Variants in CACNA2D1 observed in about 807,000 individuals in gnomAD.
CACNA2D1 encodes voltage-dependent calcium channel subunit alpha-2/delta-1.
A neutral mutation model predicts 171.5 loss-of-function variants in CACNA2D1; 53 were observed. The observed-to-expected ratio is 0.31, with a 90% CI of 0.25 to 0.39. The LOEUF (loss-of-function observed/expected upper bound fraction) is 0.39, where lower values mean the gene tolerates loss of function less well. Ranked by LOEUF, CACNA2D1 falls within the 10% of genes least tolerant of loss-of-function variation. The pLI is 1.00. For synonymous variants in CACNA2D1, 442 were observed against 443.1 expected, an observed-to-expected ratio of 1.00 and a Z score of 0.03; for missense variants, 903 against 1,299.8, an observed-to-expected ratio of 0.69 and a Z score of 4.69.
intron 12 of CACNA2D1, chr7:82,028,277 A>C (rs7803140): frequency 0.2 from 30,337 of 151,668 alleles, 3,310 homozygotes; most frequent in African/African-American, 0.3. Flanking sequence ...GGATGACAGC[A>C]CATCTGTTTA....
intron 34 of CACNA2D1, 111 bp from the exon 35 acceptor site, chr7:81,962,606 T>G: frequency 1.4e-6 from 1 of 716,902 alleles, no homozygotes; most frequent in Non-Finnish European, 2.4e-6. Context: ...AAGAAAGTCT[T>G]GGAGTGTTTT....
At chr7:82,233,806 T>C (rs185393659) in intron 3 of CACNA2D1, among the ~76,000 whole-genome samples, 67 of 152,286 alleles carry the variant, frequency 4.4e-4, no homozygotes, top group South Asian at 8.3e-4. Context: ...TCTGTTTTCA[T>C]ATTTTAAGTC....
chr7:82,318,464 G>A (rs1190654514), intron 3 of CACNA2D1, among the ~76,000 whole-genome samples: 1 of 152,082 alleles, frequency 6.6e-6, no homozygotes, highest in Non-Finnish European at 1.5e-5. Flanking sequence ...ATTACAGTGA[G>A]ATTAACAAAA....
chr7:82,349,143 T>C (rs1029491175), intron 2 of CACNA2D1, among the ~76,000 whole-genome samples: 5 of 152,144 alleles, frequency 3.3e-5, no homozygotes, highest in African/African-American at 1.2e-4. Context: ...TTTCAAATAA[T>C]TTTTACCCTA....
intron 1 of CACNA2D1, among the ~76,000 whole-genome samples, chr7:82,431,510 T>C (rs373359262): frequency 4.6e-5 from 7 of 152,290 alleles, no homozygotes; most frequent in East Asian, 1.9e-4. Context: ...CTCAATCTTA[T>C]TGCTGGAATA....
At chr7:81,982,762 A>C (rs1270085957) in intron 23 of CACNA2D1, 135 bp from the exon 24 acceptor site, 1 of 734,582 alleles carries the variant, frequency 1.4e-6, no homozygotes, top group Admixed American at 1.8e-5. Flanking sequence ...CTAAAATTGA[A>C]ACATATCAAT....
chr7:82,435,821 T>C (rs1207765530), intron 1 of CACNA2D1, among the ~76,000 whole-genome samples: 1 of 152,194 alleles, frequency 6.6e-6, no homozygotes, highest in Non-Finnish European at 1.5e-5. Flanking sequence ...CAAACAGGGC[T>C]ATTGCAAATG....
chr7:82,009,556 A>G (rs1157864261), intron 15 of CACNA2D1, among the ~76,000 whole-genome samples: 1 of 152,160 alleles, frequency 6.6e-6, no homozygotes, highest in Non-Finnish European at 1.5e-5. Context: ...GCATGGTTTT[A>G]AAAATGCTAC....
intron 1 of CACNA2D1, among the ~76,000 whole-genome samples, chr7:82,407,871 TAATA>T (rs1174867575): frequency 6.6e-6 from 1 of 152,172 alleles, no homozygotes; most frequent in Non-Finnish European, 1.5e-5. Flanking sequence ...ATTCTATGCC[TAATA>T]GATATAGCCC....
At chr7:82,291,512 C>CTATATATAGATAGATCTATATATGT in intron 3 of CACNA2D1, among the ~76,000 whole-genome samples, 2 of 126,350 alleles carry the variant, frequency 1.6e-5, no homozygotes, top group South Asian at 2.4e-4. Context: ...ATAGATAGAT[C>CTATATATAGATAGATCTATATATGT]TATATATAGA....
chr7:82,084,483 A>T (rs902892638), intron 7 of CACNA2D1, among the ~76,000 whole-genome samples: 1 of 152,232 alleles, frequency 6.6e-6, no homozygotes, highest in African/African-American at 2.4e-5. Context: ...CTGTTTTAAG[A>T]TTGATGGTAA....
chr7:82,387,661 C>A (rs1389478634), intron 1 of CACNA2D1, among the ~76,000 whole-genome samples: 4 of 152,126 alleles, frequency 2.6e-5, no homozygotes, highest in Non-Finnish European at 5.9e-5. Context: ...CACAAAATGA[C>A]CAAGAGCACA....
intron 24 of CACNA2D1, among the ~76,000 whole-genome samples, chr7:81,977,733 G>A (rs1244431615): frequency 2.0e-5 from 3 of 152,112 alleles, no homozygotes; most frequent in African/African-American, 7.2e-5. Flanking sequence ...AGCCAAAATT[G>A]ACAAATGGTA....
At chr7:82,105,398 C>CTTTTTTTTTTTTTTTTTT (rs572031121) in intron 6 of CACNA2D1, among the ~76,000 whole-genome samples, 4 of 99,486 alleles carry the variant, frequency 4.0e-5, no homozygotes, top group African/African-American at 3.9e-5. Context: ...CAGTTTTTGT[C>CTTTTTTTTTTTTTTTTTT]TTTTTTTTTT....
At chr7:82,234,725 T>A (rs967895856) in intron 3 of CACNA2D1, among the ~76,000 whole-genome samples, 7 of 152,126 alleles carry the variant, frequency 4.6e-5, no homozygotes, top group Non-Finnish European at 8.8e-5. Context: ...TTCTCAAAAA[T>A]TAAGTAAACA....
chr7:82,145,010 T>G (rs1792816353), intron 4 of CACNA2D1, among the ~76,000 whole-genome samples: 1 of 151,798 alleles, frequency 6.6e-6, no homozygotes, highest in Admixed American at 6.6e-5. Context: ...CTGATTTAGG[T>G]TAGAAACCTA....
chr7:82,353,944 C>A (rs1820136806), intron 1 of CACNA2D1, among the ~76,000 whole-genome samples: 1 of 151,988 alleles, frequency 6.6e-6, no homozygotes, highest in African/African-American at 2.4e-5. Flanking sequence ...AAGAAAACAG[C>A]AAAAGCAGGA....
chr7:82,222,138 C>T (rs1192975998), intron 3 of CACNA2D1, among the ~76,000 whole-genome samples: 2 of 152,096 alleles, frequency 1.3e-5, no homozygotes, highest in Non-Finnish European at 2.9e-5. Flanking sequence ...CTGTTGCTCA[C>T]AGAATCCAAA....
chr7:82,051,129 C>CT (rs10570936), intron 10 of CACNA2D1: 1 of 156,740 alleles, frequency 6.4e-6, no homozygotes, highest in Non-Finnish European at 1.4e-5. Context: ...GAAGCAAAGA[C>CT]TTTTACAATC....
Sources: allele counts gnomAD v4.1 joint callset (sites outside exome capture counted in the v4.1 genomes callset), GRCh38; gene constraint gnomAD v4.1.1; transcripts MANE v1.5; gene names NCBI Gene and HGNC (gene_info 2026-07-23, HGNC 2026-07-21).